Variants in QTMAN observed in about 807,000 individuals in gnomAD.
QTMAN encodes the protein queuosine-tRNA mannosyltransferase.
chr2:144,325,680 T>C, the QTMAN span, among the ~76,000 whole-genome samples: 3 of 152,160 alleles, frequency 2.0e-5, no homozygotes, highest in Non-Finnish European at 4.4e-5. Context: ...ATTAGTAAAC[T>C]GTCCACTTAA....
the QTMAN span, among the ~76,000 whole-genome samples, chr2:144,047,136 T>C: frequency 6.6e-6 from 1 of 151,936 alleles, no homozygotes; most frequent in South Asian, 2.1e-4. Context: ...CCAGGCACGG[T>C]GGTGTGTGCC....
the QTMAN span, among the ~76,000 whole-genome samples, chr2:144,227,898 T>G: frequency 6.6e-6 from 1 of 152,150 alleles, no homozygotes; most frequent in Non-Finnish European, 1.5e-5. Context: ...GCGAAAACAT[T>G]TGTTACCTCA....
chr2:144,205,696 G>C, the QTMAN span, among the ~76,000 whole-genome samples: 3 of 152,146 alleles, frequency 2.0e-5, no homozygotes, highest in Non-Finnish European at 4.4e-5. Flanking sequence ...CTAAATAACA[G>C]AGATTCTTTC....
chr2:143,977,891 C>T, the QTMAN span, among the ~76,000 whole-genome samples: 2 of 152,122 alleles, frequency 1.3e-5, no homozygotes, highest in Non-Finnish European at 1.5e-5. Flanking sequence ...CTAAGATCTT[C>T]CATTTTGCTT....
chr2:144,060,892 T>C, the QTMAN span, among the ~76,000 whole-genome samples: 1 of 152,228 alleles, frequency 6.6e-6, no homozygotes, highest in African/African-American at 2.4e-5. Flanking sequence ...TTTCTAAAAG[T>C]ATGAATATCG....
At chr2:143,977,133 A>C in the QTMAN span, among the ~76,000 whole-genome samples, 1 of 152,136 alleles carries the variant, frequency 6.6e-6, no homozygotes, top group Non-Finnish European at 1.5e-5. Flanking sequence ...TATAAATTTT[A>C]ATCAATTTAT....
chr2:144,062,570 T>A, the QTMAN span, among the ~76,000 whole-genome samples: 1 of 152,208 alleles, frequency 6.6e-6, no homozygotes, highest in African/African-American at 2.4e-5. Flanking sequence ...AGCTTACTCA[T>A]CAATTCTACC....
At chr2:143,949,783 C>T in the QTMAN span, among the ~76,000 whole-genome samples, 5 of 151,584 alleles carry the variant, frequency 3.3e-5, no homozygotes, top group Non-Finnish European at 7.4e-5. Context: ...TTATAAAACA[C>T]AAGATAAAAA....
chr2:144,125,341 T>C, the QTMAN span, among the ~76,000 whole-genome samples: 3 of 152,094 alleles, frequency 2.0e-5, no homozygotes, highest in South Asian at 2.1e-4. Context: ...ATGTAATACA[T>C]GGTTATTAAA....
At chr2:144,016,603 C>T in the QTMAN span, among the ~76,000 whole-genome samples, 1 of 152,152 alleles carries the variant, frequency 6.6e-6, no homozygotes, top group African/African-American at 2.4e-5. Context: ...TAAAAATGGT[C>T]TCTAATCATG....
At chr2:144,007,480 T>G in the QTMAN span, 2 of 1,611,486 alleles carry the variant, frequency 1.2e-6, no homozygotes, top group Non-Finnish European at 1.7e-6. Context: ...GCACCGCCAT[T>G]TCCTTTAAGG....
At chr2:144,159,173 G>A in the QTMAN span, among the ~76,000 whole-genome samples, 3 of 152,020 alleles carry the variant, frequency 2.0e-5, no homozygotes. Context: ...CTTTCTAGGA[G>A]TAAGTAAATT....
At chr2:144,330,025 C>T in the QTMAN span, among the ~76,000 whole-genome samples, 1 of 152,186 alleles carries the variant, frequency 6.6e-6, no homozygotes, top group Non-Finnish European at 1.5e-5. Context: ...GTAAAAAATT[C>T]ATCGCACCAC....
the QTMAN span, chr2:144,211,022 A>C: frequency 6.6e-6 from 1 of 152,184 alleles, no homozygotes; most frequent in Admixed American, 6.5e-5. Flanking sequence ...ACCTCAAAGA[A>C]AGCAATATAA....
At chr2:144,115,754 A>G in the QTMAN span, among the ~76,000 whole-genome samples, 1 of 152,270 alleles carries the variant, frequency 6.6e-6, no homozygotes, top group African/African-American at 2.4e-5. Context: ...TCTGTTATAC[A>G]CAGGTCATAA....
the QTMAN span, among the ~76,000 whole-genome samples, chr2:144,110,573 A>C: frequency 1.3e-5 from 2 of 152,030 alleles, no homozygotes; most frequent in Non-Finnish European, 2.9e-5. Context: ...AAATAATATA[A>C]AACTACATAA....
chr2:144,008,737 T>C, the QTMAN span, among the ~76,000 whole-genome samples: 1 of 152,036 alleles, frequency 6.6e-6, no homozygotes, highest in Non-Finnish European at 1.5e-5. Context: ...TATCACATTA[T>C]TGAAATGAAT....
the QTMAN span, among the ~76,000 whole-genome samples, chr2:144,009,440 T>C: frequency 8.3e-4 from 127 of 152,196 alleles, no homozygotes; most frequent in African/African-American, 2.9e-3. Flanking sequence ...TCACAGGAGC[T>C]AGAAACAAGG....
At chr2:144,268,544 CCAGA>C in the QTMAN span, among the ~76,000 whole-genome samples, 5 of 152,172 alleles carry the variant, frequency 3.3e-5, no homozygotes, top group Non-Finnish European at 7.3e-5. Context: ...CAAGCCCTCA[CCAGA>C]CAAAGGATCT....
Sources: allele counts gnomAD v4.1 joint callset (sites outside exome capture counted in the v4.1 genomes callset), GRCh38; gene constraint gnomAD v4.1.1; transcripts MANE v1.5; gene names NCBI Gene and HGNC (gene_info 2026-07-23, HGNC 2026-07-21).